VPS13B: variants seen among roughly 807,000 people sequenced by gnomAD.
VPS13B encodes vacuolar protein sorting 13 homolog B.
In VPS13B, 285 loss-of-function variants were observed where a neutral mutation model predicts 426.4. The ratio of observed to expected loss-of-function variants is 0.67; its 90% confidence interval spans 0.61 to 0.74. The LOEUF (loss-of-function observed/expected upper bound fraction) is 0.74. Among genes scored for constraint, VPS13B ranks in the 30% least tolerant of loss-of-function variants. The probability of loss-of-function intolerance (pLI) is 0.00; values close to 1 mark genes in which losing one functional copy is unlikely to be tolerated. For missense variants in VPS13B, 4,537 were observed against 4,782.6 expected (o/e 0.95, Z 1.51); for synonymous variants, 1,676 against 1,676.4 (o/e 1.00, Z 0.01).
At chr8:99,602,380 A>G (rs1406893866) in intron 33 of VPS13B, among the ~76,000 whole-genome samples, 3 of 152,164 alleles carry the variant, frequency 2.0e-5, no homozygotes, top group Admixed American at 6.5e-5. Flanking sequence ...TACCAGTACC[A>G]TGCTGTTTAG....
At chr8:99,325,310 T>A (rs1810188529) in intron 19 of VPS13B, among the ~76,000 whole-genome samples, 1 of 152,200 alleles carries the variant, frequency 6.6e-6, no homozygotes, top group African/African-American at 2.4e-5. Context: ...TTAGACTAAC[T>A]TCTCACCGTC....
intron 36 of VPS13B, among the ~76,000 whole-genome samples, chr8:99,712,410 A>G (rs1374359815): frequency 6.6e-6 from 1 of 152,196 alleles, no homozygotes; most frequent in Admixed American, 6.5e-5. Flanking sequence ...CCTGGACCAA[A>G]TCAATCTCCA....
At chr8:99,384,139 G>A in intron 19 of VPS13B, 69 bp from the exon 20 acceptor site, 5 of 1,268,034 alleles carry the variant, frequency 3.9e-6, no homozygotes, top group South Asian at 2.4e-5. Context: ...CCTACATGGT[G>A]TAAAGTGACA....
At chr8:99,870,101 A>C (rs1817315084) in intron 59 of VPS13B, among the ~76,000 whole-genome samples, 1 of 152,212 alleles carries the variant, frequency 6.6e-6, no homozygotes, top group African/African-American at 2.4e-5. Flanking sequence ...CTTTGTATAT[A>C]TCTGTGTGTT....
At chr8:99,824,101 C>G (rs1386476516) in intron 51 of VPS13B, 123 bp downstream of exon 51, 4 of 1,233,500 alleles carry the variant, frequency 3.2e-6, no homozygotes, top group East Asian at 4.7e-5. Context: ...GAGAAATTCA[C>G]TTATTTTTGT....
chr8:99,823,374 G>A (rs760427071), intron 50 of VPS13B, among the ~76,000 whole-genome samples: 12 of 152,086 alleles, frequency 7.9e-5, no homozygotes, highest in South Asian at 4.1e-4. Context: ...CTTCATTGTC[G>A]TCATTACTGA....
At chr8:99,521,974 C>T (rs1822398743) in intron 30 of VPS13B, among the ~76,000 whole-genome samples, 1 of 151,686 alleles carries the variant, frequency 6.6e-6, no homozygotes, top group Non-Finnish European at 1.5e-5. Context: ...TAGTATTCAC[C>T]CCTTAAATAA....
At chr8:99,507,234 A>G in intron 28 of VPS13B, 31 bp downstream of exon 28, 1 of 1,603,012 alleles carries the variant, frequency 6.2e-7, no homozygotes, top group Non-Finnish European at 8.5e-7. Flanking sequence ...ATGATTTTTG[A>G]AAATGTACTT....
chr8:99,187,325 G>T (rs1285269689), intron 16 of VPS13B, among the ~76,000 whole-genome samples: 1 of 152,096 alleles, frequency 6.6e-6, no homozygotes, highest in African/African-American at 2.4e-5. Context: ...AAATGAGAAA[G>T]AAAAGAAAAT....
chr8:99,664,519 T>C (rs370836630), intron 35 of VPS13B, among the ~76,000 whole-genome samples: 2 of 151,884 alleles, frequency 1.3e-5, no homozygotes, highest in South Asian at 4.2e-4. Flanking sequence ...TTCCTGTGTC[T>C]ATGTGTTCTC....
intron 19 of VPS13B, among the ~76,000 whole-genome samples, chr8:99,380,040 A>T (rs1390105117): frequency 2.0e-5 from 3 of 152,138 alleles, no homozygotes; most frequent in African/African-American, 7.2e-5. Flanking sequence ...TTGGGGGAAA[A>T]TTCTCTTTCT....
chr8:99,168,011 T>G (rs1291899660), intron 15 of VPS13B, among the ~76,000 whole-genome samples: 2 of 152,134 alleles, frequency 1.3e-5, no homozygotes, highest in African/African-American at 4.8e-5. Context: ...AATTATTAGC[T>G]TATATAGGTT....
chr8:99,737,569 C>A (rs1177116335), intron 39 of VPS13B, among the ~76,000 whole-genome samples: 1 of 152,102 alleles, frequency 6.6e-6, no homozygotes, highest in Non-Finnish European at 1.5e-5. Context: ...AAATAGTTTT[C>A]TAATTTCTAT....
Position 99,275,162 on chromosome 8 carries a change from A to G in VPS13B, c.2732A>G (p.Asn911Ser), listed in dbSNP as rs1818828701. Reference sequence around the variant, plus strand: ...GACCTTCATAGCACCAAGTGGCTCAATGAGAGTAGAAAGCCAGAGTCTCTC... The same window carrying G: ...GACCTTCATAGCACCAAGTGGCTCAGTGAGAGTAGAAAGCCAGAGTCTCTC... The part of the protein sequence containing the change: ...TKDLHSTKWL[N>S]ESRKPESLLA... Residue 911 changes from asparagine to serine, a missense_variant, in exon 19 of 62, where the codon AAT (asparagine) becomes AGT (serine). By Grantham distance (46) the Asn-to-Ser change is conservative. Coordinates refer to ENST00000357162, the MANE Select transcript of VPS13B (RefSeq NM_152564.5). The G allele has an allele frequency of 6.2e-7, 1 of 1,613,038 alleles. No homozygotes were observed.
At chr8:99,650,545 T>G (rs1012807525) in intron 34 of VPS13B, among the ~76,000 whole-genome samples, 2 of 152,198 alleles carry the variant, frequency 1.3e-5, no homozygotes, top group African/African-American at 4.8e-5. Context: ...GGCCTCAAAT[T>G]GTGGATAGTA....
At chr8:99,552,118 T>G (rs919822901) in intron 30 of VPS13B, among the ~76,000 whole-genome samples, 2 of 152,062 alleles carry the variant, frequency 1.3e-5, no homozygotes, top group Admixed American at 6.6e-5. Context: ...TTTCTTTTAA[T>G]TCACTATCAC....
intron 59 of VPS13B, among the ~76,000 whole-genome samples, chr8:99,870,145 G>GAAGT (rs1817319853): frequency 6.6e-6 from 1 of 152,154 alleles, no homozygotes; most frequent in Non-Finnish European, 1.5e-5. Flanking sequence ...CACAGATACA[G>GAAGT]AAGTATTAAG....
At chr8:99,513,814 T>C (rs978242875) in intron 29 of VPS13B, among the ~76,000 whole-genome samples, 3 of 152,198 alleles carry the variant, frequency 2.0e-5, no homozygotes, top group African/African-American at 7.2e-5. Context: ...TGTTGTTTTT[T>C]TCTGCATCTT....
chr8:99,502,123 T>A (rs1246017360), intron 26 of VPS13B, among the ~76,000 whole-genome samples: 1 of 152,054 alleles, frequency 6.6e-6, no homozygotes, highest in Non-Finnish European at 1.5e-5. Context: ...TAGCTGAGAT[T>A]ACAGGCGTGC....
Sources: allele counts gnomAD v4.1 joint callset (sites outside exome capture counted in the v4.1 genomes callset), GRCh38; gene constraint gnomAD v4.1.1; transcripts MANE v1.5; gene names NCBI Gene and HGNC (gene_info 2026-07-23, HGNC 2026-07-21).